The following ZNF341 variants were observed in gnomAD, a reference collection of about 807,000 sequenced individuals.
The protein encoded by ZNF341 is zinc finger protein 341.
ZNF341 carries 52 observed loss-of-function variants against 87.7 expected under a neutral mutation model. The observed-to-expected ratio is 0.59, with a 90% CI of 0.47 to 0.75. The LOEUF (loss-of-function observed/expected upper bound fraction) is 0.75. Among genes scored for constraint, ZNF341 ranks in the 30% least tolerant of loss-of-function variants. ZNF341 has a pLI of 0.00. For synonymous variants in ZNF341, 459 were observed against 472.7 expected, an observed-to-expected ratio of 0.97 and a Z score of 0.38; for missense variants, 977 against 1,145.9, an observed-to-expected ratio of 0.85 and a Z score of 2.13.
At chr20:33,760,083 C>T (rs990202567) in intron 7 of ZNF341, among the ~76,000 whole-genome samples, 7 of 152,174 alleles carry the variant, frequency 4.6e-5, no homozygotes, top group Non-Finnish European at 7.3e-5. Context: ...TGTCGCTGTC[C>T]AATAGAACTT....
chr20:33,781,770 T>C (rs2019752311), intron 11 of ZNF341, among the ~76,000 whole-genome samples: 1 of 151,738 alleles, frequency 6.6e-6, no homozygotes, highest in South Asian at 2.1e-4. Context: ...TGATCATGGC[T>C]CACCGCAGCC....
At chr20:33,752,652 CTT>C (rs956277736) in intron 4 of ZNF341, 2,822 of 174,002 alleles carry the variant, frequency 0.016, no homozygotes, top group South Asian at 0.039. Flanking sequence ...ATTTTCTTTT[CTT>C]TTTTTTTTTT....
At chr20:33,769,736 C>A (rs1336907971) in intron 9 of ZNF341, among the ~76,000 whole-genome samples, 1 of 152,106 alleles carries the variant, frequency 6.6e-6, no homozygotes, top group African/African-American at 2.4e-5. Context: ...TGTGGTGAAA[C>A]CCCGTCTCTA....
At chr20:33,742,174 A>G (rs1459039946) in intron 2 of ZNF341, among the ~76,000 whole-genome samples, 1 of 152,120 alleles carries the variant, frequency 6.6e-6, no homozygotes, top group East Asian at 1.9e-4. Flanking sequence ...GGGAAGAAAG[A>G]GGGAAGTGGA....
rs1234372520 is a variant in ZNF341 at position 33,761,979 on chromosome 20, C to T, written c.1146C>T (p.Gly382=). ...TGTGGCCTCCAGGACACAGTGGTGG[C>T]ACCGTGTCTCGAAACTCTGTGACCG... ...HKVWPPGHSG[G]TVSRNSVTVQ... The change falls in exon 8 of 15, where the codon GGC becomes GGT. Residue 382 remains glycine, a synonymous_variant. Coordinates refer to ENST00000375200, the MANE Select transcript of ZNF341 (RefSeq NM_001282933.2). The T allele has an allele frequency of 4.4e-6, 7 of 1,607,008 alleles. No homozygotes were observed. Among genetic ancestry groups the T allele is most frequent in the African/African-American group, 1.3e-5 (1 of 74,818 alleles).
chr20:33,764,981 G>A lies in ZNF341; in HGVS notation c.1223-1870G>A, dbSNP rs1041522176. ...AGCTGGGATGGGGGTGCACCACTGC[G>A]CCTGGCTAATTGTTAAAAATTGTTT... On this transcript the variant is annotated intron_variant, in intron 8 of 14. Coordinates refer to ENST00000375200, the MANE Select transcript of ZNF341 (RefSeq NM_001282933.2). Among the ~76,000 whole-genome samples the A allele has an allele frequency of 7.9e-5, 12 of 151,242 alleles. No homozygotes were observed. In the East Asian group the frequency reaches 1.2e-3, roughly 15 times the overall value.
chr20:33,787,915 G>C (rs1318352529), intron 12 of ZNF341: 1 of 152,352 alleles, frequency 6.6e-6, no homozygotes, highest in Admixed American at 6.5e-5. Context: ...CTCAGGCCGT[G>C]CCTCATCCTT....
At position 33,791,394 on chromosome 20, in the gene ZNF341, G is replaced by T; in HGVS notation, c.2442G>T (p.Glu814Asp). The T allele has an allele frequency of 1.9e-6, 3 of 1,612,608 alleles. No individual in the cohort carries two copies. The highest frequency in any genetic ancestry group is 2.5e-6 in the Non-Finnish European group (3 of 1,179,754). The change falls in exon 15 of 15, where the codon GAG (glutamate) becomes GAT (aspartate). Residue 814 changes from glutamate (E) to aspartate (D), a missense_variant. Physicochemically the swap from Glu to Asp is conservative, Grantham distance 45 (BLOSUM62 2). Transcript: ENST00000375200. ...GTGGTGCGGTGGGCGCGGAAACTGA[G>T]CTGGTGGTACCTGGACACGCTGAGG... ...VVGGAVGAET[E>D]LVVPGHAEGL...
intron 2 of ZNF341, among the ~76,000 whole-genome samples, chr20:33,744,337 C>A (rs1057282274): frequency 6.6e-6 from 1 of 151,738 alleles, no homozygotes. Flanking sequence ...AAAAAGACTT[C>A]TTGGAAGAGG....
At chr20:33,742,957 G>C (rs1386233950) in intron 2 of ZNF341, among the ~76,000 whole-genome samples, 1 of 151,874 alleles carries the variant, frequency 6.6e-6, no homozygotes, top group Non-Finnish European at 1.5e-5. Context: ...GTTGAGAGTG[G>C]TGTGCACTAT....
At chr20:33,777,349 AT>A (rs1255579747) in intron 10 of ZNF341, among the ~76,000 whole-genome samples, 9 of 141,212 alleles carry the variant, frequency 6.4e-5, no homozygotes, top group African/African-American at 2.4e-4. Flanking sequence ...AAAAAAAAAA[AT>A]CAGGCCAGGT....
intron 8 of ZNF341, 112 bp downstream of exon 8, chr20:33,762,167 A>G (rs530488533): frequency 4.6e-4 from 391 of 848,840 alleles, no homozygotes; most frequent in African/African-American, 4.1e-3. Context: ...CTGGGCTTCA[A>G]TCTACCTTTA....
In ZNF341 at chr20:33,791,118, C is replaced by G. The variant is rs749750650; in HGVS notation, c.2166C>G (p.Arg722=). The G allele has an allele frequency of 6.2e-7, 1 of 1,613,364 alleles. No individual in the cohort carries two copies. The highest frequency in any genetic ancestry group is 8.5e-7 in the Non-Finnish European group (1 of 1,180,032). ...CTGGCTGCGCCAAGGGCTTTTCCCG[C>G]CACAAATACCTCAAAGATCACCGCT... ...RCAGCAKGFS[R]HKYLKDHRCR... is the part of the protein sequence containing the mutation. Residue 722 remains arginine, a synonymous_variant, in exon 15 of 15, where the codon CGC becomes CGG. Transcript: ENST00000375200.
At chr20:33,740,145 T>G (rs908173120) in intron 1 of ZNF341, among the ~76,000 whole-genome samples, 35 of 152,198 alleles carry the variant, frequency 2.3e-4, no homozygotes, top group Non-Finnish European at 4.0e-4. Context: ...ATTACAGGCG[T>G]GAGCCACTGC....
intron 11 of ZNF341, among the ~76,000 whole-genome samples, chr20:33,783,349 C>G (rs2019781712): frequency 6.6e-6 from 1 of 152,066 alleles, no homozygotes; most frequent in Non-Finnish European, 1.5e-5. Flanking sequence ...GGGTTAAATG[C>G]TGACTTAAAA....
At chr20:33,760,721 T>G (rs2122684053) in intron 7 of ZNF341, among the ~76,000 whole-genome samples, 1 of 151,946 alleles carries the variant, frequency 6.6e-6, no homozygotes, top group African/African-American at 2.4e-5. Context: ...TTTTTGTATT[T>G]TTTGTAGAAA....
chr20:33,748,846 A>G, intron 3 of ZNF341, 77 bp from the exon 4 acceptor site: 1 of 1,437,246 alleles, frequency 7.0e-7, no homozygotes, highest in Non-Finnish European at 9.5e-7. Flanking sequence ...ATGTCCACAC[A>G]TGCACACACG....
chr20:33,791,539 C>A lies in ZNF341; in HGVS notation c.*22C>A. On this transcript the variant is annotated 3_prime_UTR_variant, in exon 15 of 15. Transcript: ENST00000375200. ...GTGACGGACCTGAGGTGTCTGTTTC[C>A]TGGGCAGGCCTGATGCTCCTGTTTG... The A allele has an allele frequency of 6.6e-7, 1 of 1,521,030 alleles. No individual in the cohort carries two copies. The allele number at this position is 1,521,030 out of a possible 1,614,324, so 94.2% of individuals were successfully genotyped here. A position where few individuals can be genotyped will look rare whatever the true frequency, so the allele number is the denominator to read the frequency against.
chr20:33,745,183 C>G lies in ZNF341; in HGVS notation c.223C>G (p.Gln75Glu). 1 of 1,614,214 alleles carries G rather than the reference C, an allele frequency of 6.2e-7. No homozygotes were observed. The highest frequency in any genetic ancestry group is 8.5e-7 in the Non-Finnish European group (1 of 1,180,036). ...AGCGTTTATGACCCACAAGCGGGAA[C>G]AGTGCCAGGGGAATGCCCCCGCCCT... Reference protein sequence around the residue: ...LPAFMTHKREQCQGNAPALAT... With the variant: ...LPAFMTHKREECQGNAPALAT... Residue 75 changes from glutamine (Q) to glutamate (E), a missense_variant, in exon 3 of 15, where the codon CAG becomes GAG. Transcript: ENST00000375200.
Sources: allele counts gnomAD v4.1 joint callset (sites outside exome capture counted in the v4.1 genomes callset), GRCh38; gene constraint gnomAD v4.1.1; transcripts MANE v1.5; gene names NCBI Gene and HGNC (gene_info 2026-07-23, HGNC 2026-07-21).